The following PAK3 variants were observed in gnomAD, a reference collection of about 807,000 sequenced individuals.
PAK3 encodes the protein p21 (RAC1) activated kinase 3.
In PAK3, 4 loss-of-function variants were observed where a neutral mutation model predicts 41.0. The ratio of observed to expected loss-of-function variants is 0.10; its 90% CI spans 0.05 to 0.22. PAK3 has a LOEUF of 0.22. Ranked by LOEUF, PAK3 falls within the 10% of genes least tolerant of loss-of-function variation. PAK3 has a pLI of 1.00. For synonymous variants in PAK3, 146 were observed against 139.6 expected, an observed-to-expected ratio of 1.05 and a Z score of -0.32; for missense variants, 205 against 409.9, an observed-to-expected ratio of 0.50 and a Z score of 4.32.
At chrX:111,089,707 C>T (rs945667230) in intron 1 of PAK3, among the ~76,000 whole-genome samples, 4 of 110,610 alleles carry the variant, frequency 3.6e-5, no homozygotes, top group African/African-American at 1.3e-4. Context: ...GGCTGACCCT[C>T]GGGGTATAAG....
At chrX:111,085,830 G>A (rs1424071810) in intron 1 of PAK3, among the ~76,000 whole-genome samples, 2 of 111,729 alleles carry the variant, frequency 1.8e-5, no homozygotes, top group African/African-American at 6.5e-5. Flanking sequence ...CGATAAGACC[G>A]TACAGCAAAG....
intron 1 of PAK3, among the ~76,000 whole-genome samples, chrX:111,088,394 G>A (rs956901991): frequency 5.4e-5 from 6 of 111,719 alleles, no homozygotes; most frequent in Admixed American, 9.5e-5. Flanking sequence ...CATGCTGGAC[G>A]TCTATGTAAT....
chrX:110,980,798 G>A (rs1207100868), intron 1 of PAK3, among the ~76,000 whole-genome samples: 1 of 112,261 alleles, frequency 8.9e-6, no homozygotes, highest in Non-Finnish European at 1.9e-5. Context: ...TCTCTGTCTA[G>A]ATTCTTCTAG....
chrX:110,982,427 C>T (rs1460723522), intron 1 of PAK3, among the ~76,000 whole-genome samples: 1 of 111,907 alleles, frequency 8.9e-6, no homozygotes, highest in African/African-American at 3.3e-5. Flanking sequence ...TCATACCTGC[C>T]TTGTGGTGAG....
chrX:110,979,439 C>T (rs2091409120), intron 1 of PAK3, among the ~76,000 whole-genome samples: 1 of 108,593 alleles, frequency 9.2e-6, no homozygotes, highest in African/African-American at 3.4e-5. Context: ...GCTGAGACTA[C>T]AGGTGCCGCC....
chrX:111,136,979 G>C (rs961486818), intron 5 of PAK3, among the ~76,000 whole-genome samples: 3 of 111,515 alleles, frequency 2.7e-5, no homozygotes, highest in African/African-American at 9.8e-5. Flanking sequence ...AAGTGGAAGG[G>C]AGGTAAAATT....
At chrX:110,997,998 T>C (rs2091772690) in intron 1 of PAK3, among the ~76,000 whole-genome samples, 1 of 111,856 alleles carries the variant, frequency 8.9e-6, no homozygotes, top group South Asian at 3.7e-4. Flanking sequence ...AATACATTTC[T>C]ATTGTGCATG....
chrX:111,201,133 C>T (rs2094678142), intron 16 of PAK3, among the ~76,000 whole-genome samples: 1 of 112,438 alleles, frequency 8.9e-6, no homozygotes, highest in Non-Finnish European at 1.9e-5. Context: ...GCTCATTACT[C>T]TCTGTATGTG....
intron 10 of PAK3, among the ~76,000 whole-genome samples, chrX:111,165,566 T>TGTC (rs754643816): frequency 3.2e-3 from 359 of 112,524 alleles, no homozygotes; most frequent in Admixed American, 5.6e-3. Flanking sequence ...ATATCCGAAC[T>TGTC]GTCTATTTTT....
intron 1 of PAK3, among the ~76,000 whole-genome samples, chrX:111,024,466 CTA>C (rs2092241104): frequency 9.0e-6 from 1 of 111,275 alleles, no homozygotes; most frequent in Non-Finnish European, 1.9e-5. Flanking sequence ...AGCATTGAAT[CTA>C]TAAATTACTT....
At chrX:111,138,601 G>A (rs1016063415) in intron 5 of PAK3, among the ~76,000 whole-genome samples, 11 of 110,950 alleles carry the variant, frequency 9.9e-5, no homozygotes, top group African/African-American at 3.3e-4. Context: ...CCATAAATTT[G>A]GGGGAGAGGG....
intron 6 of PAK3, among the ~76,000 whole-genome samples, chrX:111,146,313 C>T (rs977867018): frequency 2.7e-5 from 3 of 111,382 alleles, no homozygotes; most frequent in Non-Finnish European, 3.8e-5. Flanking sequence ...AACTTTGAAG[C>T]ATCGTCGTTC....
intron 13 of PAK3, among the ~76,000 whole-genome samples, chrX:111,194,013 T>C (rs1489852296): frequency 9.0e-6 from 1 of 111,502 alleles, no homozygotes; most frequent in Non-Finnish European, 1.9e-5. Context: ...ATAATTCATC[T>C]TTCTTGATAA....
At chrX:110,993,080 G>A (rs2091678791) in intron 1 of PAK3, among the ~76,000 whole-genome samples, 1 of 111,789 alleles carries the variant, frequency 8.9e-6, no homozygotes, top group Non-Finnish European at 1.9e-5. Flanking sequence ...GACGGCAGGA[G>A]TGAACAGAGG....
intron 1 of PAK3, among the ~76,000 whole-genome samples, chrX:111,061,640 A>AT (rs1423798414): frequency 3.6e-5 from 4 of 111,552 alleles, no homozygotes; most frequent in Non-Finnish European, 7.5e-5. Flanking sequence ...TGTTCAGTAC[A>AT]TTTTTGTAGT....
chrX:111,083,589 C>T (rs957234779), intron 1 of PAK3, among the ~76,000 whole-genome samples: 2 of 112,122 alleles, frequency 1.8e-5, no homozygotes, highest in African/African-American at 6.5e-5. Flanking sequence ...TCCTCCTTTC[C>T]TTTGCCACCT....
intron 1 of PAK3, among the ~76,000 whole-genome samples, chrX:111,066,993 T>G (rs1159175172): frequency 8.9e-6 from 1 of 112,052 alleles, no homozygotes; most frequent in Admixed American, 9.5e-5. Context: ...AGGAAAGGTA[T>G]TGATTTTTGT....
intron 1 of PAK3, among the ~76,000 whole-genome samples, chrX:111,082,347 A>G (rs2092841796): frequency 8.9e-6 from 1 of 112,015 alleles, no homozygotes; most frequent in Admixed American, 9.5e-5. Flanking sequence ...GAGTTATGAA[A>G]GTGCATGCCA....
chrX:111,041,650 A>C (rs776676703), intron 1 of PAK3, among the ~76,000 whole-genome samples: 4 of 109,183 alleles, frequency 3.7e-5, no homozygotes, highest in African/African-American at 1.3e-4. Context: ...TCCTACCTCC[A>C]CTCCCTGTTA....
Sources: gnomAD v4.1 joint callset for allele counts (sites outside exome capture counted in the v4.1 genomes callset) on GRCh38, gnomAD v4.1.1 for gene constraint, MANE v1.5 for transcripts, NCBI Gene and HGNC (gene_info 2026-07-23, HGNC 2026-07-21) for gene names.